Variants in HNF4G observed in about 807,000 individuals in gnomAD.
The protein encoded by HNF4G is hepatocyte nuclear factor 4 gamma.
In HNF4G, 21 loss-of-function variants were observed where a neutral mutation model predicts 50.9. The observed-to-expected ratio is 0.41, with a 90% CI of 0.29 to 0.59. The LOEUF (loss-of-function observed/expected upper bound fraction) is 0.59. Among genes scored for constraint, HNF4G ranks in the 20% least tolerant of loss-of-function variants. HNF4G has a pLI of 0.26. For synonymous variants in HNF4G, 198 were observed against 185.6 expected (o/e 1.07, Z -0.54); for missense variants, 527 against 559.4 (o/e 0.94, Z 0.58).
chr8:75,473,622 A>C (rs1488406918), intron 1 of HNF4G, among the ~76,000 whole-genome samples: 2 of 152,178 alleles, frequency 1.3e-5, no homozygotes, highest in African/African-American at 4.8e-5. Flanking sequence ...AAAGAATTAC[A>C]GGGACTCCAC....
At chr8:75,428,162 A>C (rs1308027506) in intron 1 of HNF4G, among the ~76,000 whole-genome samples, 2 of 152,198 alleles carry the variant, frequency 1.3e-5, no homozygotes, top group African/African-American at 2.4e-5. Flanking sequence ...AATATTGATC[A>C]AAACCTCAGG....
At chr8:75,427,955 C>T (rs1193769973) in intron 1 of HNF4G, among the ~76,000 whole-genome samples, 2 of 152,126 alleles carry the variant, frequency 1.3e-5, no homozygotes, top group South Asian at 2.1e-4. Flanking sequence ...GAAGTATGTA[C>T]AGTAGTATCA....
At chr8:75,435,403 T>G (rs1446618297) in intron 1 of HNF4G, among the ~76,000 whole-genome samples, 1 of 152,210 alleles carries the variant, frequency 6.6e-6, no homozygotes, top group Non-Finnish European at 1.5e-5. Context: ...AGAGACTATC[T>G]TTACTATAAT....
chr8:75,491,094 T>G (rs1812618512), intron 2 of HNF4G, among the ~76,000 whole-genome samples: 1 of 152,180 alleles, frequency 6.6e-6, no homozygotes, highest in Non-Finnish European at 1.5e-5. Flanking sequence ...CATTTATGAG[T>G]TCTATGACTT....
intron 1 of HNF4G, among the ~76,000 whole-genome samples, chr8:75,436,261 A>G (rs1811133773): frequency 6.6e-6 from 1 of 152,240 alleles, no homozygotes. Flanking sequence ...TTGTCTCACC[A>G]GGACGTTTCA....
At chr8:75,438,973 C>A (rs946701953) in intron 1 of HNF4G, among the ~76,000 whole-genome samples, 4 of 152,036 alleles carry the variant, frequency 2.6e-5, no homozygotes. Flanking sequence ...TTATAGAGAT[C>A]TTCCTCATTA....
chr8:75,548,463 CA>C (rs1806855693), intron 3 of HNF4G, among the ~76,000 whole-genome samples: 1 of 152,092 alleles, frequency 6.6e-6, no homozygotes, highest in Admixed American at 6.6e-5. Flanking sequence ...ACATAGCAGA[CA>C]AAATAATCTT....
intron 2 of HNF4G, among the ~76,000 whole-genome samples, chr8:75,526,743 T>C (rs1806191991): frequency 6.7e-6 from 1 of 149,828 alleles, no homozygotes; most frequent in Non-Finnish European, 1.5e-5. Context: ...GGACTCACTC[T>C]TCAGTTGCCC....
At chr8:75,481,406 G>T (rs779673221) in intron 1 of HNF4G, among the ~76,000 whole-genome samples, 1 of 152,048 alleles carries the variant, frequency 6.6e-6, no homozygotes, top group African/African-American at 2.4e-5. Flanking sequence ...ATTTTTCAAG[G>T]TTCAACTCTG....
chr8:75,418,939 C>T (rs578005791), intron 1 of HNF4G, among the ~76,000 whole-genome samples: 2 of 152,104 alleles, frequency 1.3e-5, no homozygotes, highest in African/African-American at 2.4e-5. Flanking sequence ...GTTGGCCACA[C>T]CGACCTCGAA....
intron 1 of HNF4G, among the ~76,000 whole-genome samples, chr8:75,460,138 T>C (rs559384080): frequency 6.6e-6 from 1 of 152,218 alleles, no homozygotes; most frequent in South Asian, 2.1e-4. Flanking sequence ...AAAGAGTTCC[T>C]GAAAATGACT....
intron 5 of HNF4G, among the ~76,000 whole-genome samples, chr8:75,554,305 T>C (rs1386217154): frequency 6.6e-6 from 1 of 152,190 alleles, no homozygotes; most frequent in Non-Finnish European, 1.5e-5. Flanking sequence ...ATCATTCTTC[T>C]TTAGAAGTTG....
intron 1 of HNF4G, among the ~76,000 whole-genome samples, chr8:75,462,244 CCTT>C (rs1269041219): frequency 6.6e-6 from 1 of 152,096 alleles, no homozygotes; most frequent in African/African-American, 2.4e-5. Flanking sequence ...CTTTATTCAC[CCTT>C]CTTAGGCATA....
At chr8:75,434,675 AACAC>A (rs36098920) in intron 1 of HNF4G, among the ~76,000 whole-genome samples, 60 of 145,738 alleles carry the variant, frequency 4.1e-4, no homozygotes, top group South Asian at 1.5e-3. Flanking sequence ...CAACAAGGCC[AACAC>A]ACACACACAC....
At chr8:75,543,265 G>A (rs1168471029) in intron 1 of HNF4G, among the ~76,000 whole-genome samples, 1 of 152,018 alleles carries the variant, frequency 6.6e-6, no homozygotes, top group African/African-American at 2.4e-5. Flanking sequence ...CCAAGGGATT[G>A]GTTATAAAAG....
chr8:75,504,230 G>GACACACAC lies in HNF4G; in HGVS notation c.-24+14061_-24+14068dup, dbSNP rs201513424. ...AGTAAGACTTTGTCCAAAGCACACA[G>GACACACAC]ACACACACACACACACACACACACA... On this transcript the variant is annotated intron_variant, in intron 2 of 10. Transcript: ENST00000354370. Among the ~76,000 whole-genome samples, 398 of 108,306 alleles carry GACACACAC rather than the reference G, an allele frequency of 3.7e-3. 2 individuals are homozygous for GACACACAC. Among genetic ancestry groups the GACACACAC allele is most frequent in the East Asian group, 0.015 (61 of 4,100 alleles). 71.1% of individuals were successfully genotyped at this position (108,306 alleles called of 152,430 possible). A position where few individuals can be genotyped will look rare whatever the true frequency, so the allele number is the denominator to read the frequency against.
intron 4 of HNF4G, 112 bp downstream of exon 4, chr8:75,551,606 T>TA: frequency 1.6e-6 from 1 of 622,324 alleles, no homozygotes; most frequent in South Asian, 2.1e-5. Context: ...TAAAATAAGT[T>TA]ACATCTACAC....
intron 2 of HNF4G, among the ~76,000 whole-genome samples, chr8:75,523,231 A>AG (rs1806092719): frequency 6.6e-6 from 1 of 152,094 alleles, no homozygotes. Context: ...CTGAAAAAAA[A>AG]GAAAAAAAAG....
chr8:75,555,343 A>G (rs902138860), intron 5 of HNF4G, among the ~76,000 whole-genome samples: 5 of 152,136 alleles, frequency 3.3e-5, no homozygotes, highest in Admixed American at 1.3e-4. Flanking sequence ...TAAATTTGTA[A>G]TGCTTCCTAT....
Sources: allele counts gnomAD v4.1 joint callset (sites outside exome capture counted in the v4.1 genomes callset), GRCh38; gene constraint gnomAD v4.1.1; transcripts MANE v1.5; gene names NCBI Gene and HGNC (gene_info 2026-07-23, HGNC 2026-07-21).